The following CDC40 variants were observed in gnomAD, a reference collection of about 807,000 sequenced individuals.
CDC40 encodes cell division cycle 40.
CDC40 carries 27 observed loss-of-function variants against 80.6 expected under a neutral mutation model. The observed-to-expected ratio is 0.33, with a 90% CI of 0.25 to 0.46. The LOEUF is 0.46. CDC40 is among the 20% of genes least tolerant of loss of function. CDC40 has a pLI of 1.00. For missense variants in CDC40, 486 were observed against 694.1 expected, an observed-to-expected ratio of 0.70 and a Z score of 3.37; for synonymous variants, 221 against 232.6, an observed-to-expected ratio of 0.95 and a Z score of 0.45.
intron 9 of CDC40, among the ~76,000 whole-genome samples, chr6:110,216,253 GT>G (rs1777698506): frequency 6.6e-6 from 1 of 152,186 alleles, no homozygotes; most frequent in Non-Finnish European, 1.5e-5. Flanking sequence ...TATTGTCTTT[GT>G]CAGATTTCAT....
At chr6:110,226,290 A>C in intron 13 of CDC40, 47 bp downstream of exon 13, 2 of 1,202,088 alleles carry the variant, frequency 1.7e-6, no homozygotes, top group South Asian at 2.6e-5. Context: ...TCTAAGATAC[A>C]GTGTGATTTC....
chr6:110,220,552 G>C (rs147979399), intron 12 of CDC40, among the ~76,000 whole-genome samples: 9,442 of 144,564 alleles, frequency 0.065, 366 homozygotes, highest in African/African-American at 0.12. Context: ...TCACGCCATT[G>C]TCCTGCCTCA....
chr6:110,228,644 A>G (rs1777895832), intron 13 of CDC40, among the ~76,000 whole-genome samples, 188 bp from the exon 14 acceptor site: 1 of 152,132 alleles, frequency 6.6e-6, no homozygotes, highest in Non-Finnish European at 1.5e-5. Flanking sequence ...CCATTAGTTT[A>G]TATATTAATA....
chr6:110,228,121 A>G (rs1777889031), intron 13 of CDC40, among the ~76,000 whole-genome samples: 2 of 152,180 alleles, frequency 1.3e-5, no homozygotes, highest in Admixed American at 1.3e-4. Flanking sequence ...GTTCTGAATA[A>G]TGTAGTCAGT....
chr6:110,196,193 C>T (rs186014640), intron 2 of CDC40, among the ~76,000 whole-genome samples: 94 of 152,322 alleles, frequency 6.2e-4, no homozygotes, highest in African/African-American at 2.2e-3. Context: ...GAGTCCAGAT[C>T]ACTCTTAATT....
chr6:110,193,334 GC>G, intron 2 of CDC40, 66 bp downstream of exon 2: 1 of 902,076 alleles, frequency 1.1e-6, no homozygotes. Flanking sequence ...ATAATTAGGT[GC>G]AGCAGTGAAT....
intron 3 of CDC40, among the ~76,000 whole-genome samples, chr6:110,205,571 G>A (rs1373453409): frequency 2.0e-5 from 3 of 152,174 alleles, no homozygotes; most frequent in Non-Finnish European, 4.4e-5. Context: ...CAAGAGGAAA[G>A]CATAACTTAT....
intron 1 of CDC40, among the ~76,000 whole-genome samples, chr6:110,185,714 A>T (rs1374375279): frequency 1.3e-5 from 2 of 152,190 alleles, no homozygotes; most frequent in African/African-American, 2.4e-5. Flanking sequence ...AACCACAAAA[A>T]GATAGCTATA....
intron 12 of CDC40, among the ~76,000 whole-genome samples, chr6:110,224,681 G>A (rs73537963): frequency 0.023 from 3,486 of 152,112 alleles, 150 homozygotes; most frequent in African/African-American, 0.078. Context: ...GACCCACTAC[G>A]CCCAGCCATG....
intron 1 of CDC40, among the ~76,000 whole-genome samples, chr6:110,182,254 C>G (rs1777208248): frequency 6.6e-6 from 1 of 152,166 alleles, no homozygotes; most frequent in African/African-American, 2.4e-5. Context: ...TTTAACAGTG[C>G]CACACACAAT....
intron 1 of CDC40, among the ~76,000 whole-genome samples, chr6:110,181,664 C>T (rs887102740): frequency 6.6e-6 from 1 of 152,200 alleles, no homozygotes; most frequent in Admixed American, 6.5e-5. Context: ...CTCCAGTAAC[C>T]TCCTGAGTCT....
rs1157966602 is a variant in CDC40, at chr6:110,204,798, T to TA, written c.407-2707dup. Among the ~76,000 whole-genome samples, 8 of 152,074 alleles carry TA rather than the reference T, an allele frequency of 5.3e-5. No individual in the cohort carries two copies. The East Asian group carries it at 1.5e-3, about 29-fold the overall frequency. On this transcript the variant is annotated intron_variant, in intron 3 of 14. Coordinates refer to ENST00000307731, the MANE Select transcript of CDC40 (RefSeq NM_015891.3). ...CCTCAGCCTCCTGAGTAGCTGGAAT[T>TA]ACAGGCATGAACGACCACACATAGC...
intron 10 of CDC40, 60 bp from the exon 11 acceptor site, chr6:110,219,304 A>T: frequency 1.3e-6 from 1 of 761,450 alleles, no homozygotes; most frequent in Non-Finnish European, 2.2e-6. Context: ...TCTTAATCTC[A>T]CAGTCATCTT....
chr6:110,202,742 A>G (rs1010066527), intron 3 of CDC40, among the ~76,000 whole-genome samples: 6 of 152,288 alleles, frequency 3.9e-5, no homozygotes, highest in Admixed American at 2.0e-4. Context: ...CCCACTAGGA[A>G]GTGGTGAGGT....
intron 3 of CDC40, among the ~76,000 whole-genome samples, chr6:110,202,121 T>C (rs965684317): frequency 3.9e-5 from 6 of 152,194 alleles, no homozygotes; most frequent in Non-Finnish European, 8.8e-5. Flanking sequence ...CACTGAAGGG[T>C]ATCAGGAAAG....
chr6:110,181,354 T>A (rs1402611811), intron 1 of CDC40, among the ~76,000 whole-genome samples: 1 of 152,168 alleles, frequency 6.6e-6, no homozygotes, highest in Non-Finnish European at 1.5e-5. Flanking sequence ...CCTAGTGGGT[T>A]TGAAGAACTG....
intron 3 of CDC40, among the ~76,000 whole-genome samples, chr6:110,203,084 T>G (rs1381340606): frequency 1.3e-5 from 2 of 152,178 alleles, no homozygotes; most frequent in African/African-American, 4.8e-5. Context: ...CAAGTGAACT[T>G]AGTAAGATTT....
intron 12 of CDC40, among the ~76,000 whole-genome samples, chr6:110,223,806 T>TTTC (rs1562207897): frequency 1.4e-5 from 1 of 70,718 alleles, no homozygotes; most frequent in Non-Finnish European, 2.8e-5. Flanking sequence ...TGTAGGGTTT[T>TTTC]GTTTTGTTTT....
intron 9 of CDC40, among the ~76,000 whole-genome samples, chr6:110,216,352 A>G (rs1777699697): frequency 1.3e-5 from 2 of 152,170 alleles, no homozygotes; most frequent in Non-Finnish European, 2.9e-5. Context: ...TTAAAGTGGG[A>G]GTCTGTTCAG....
Sources: allele counts gnomAD v4.1 joint callset (sites outside exome capture counted in the v4.1 genomes callset), GRCh38; gene constraint gnomAD v4.1.1; transcripts MANE v1.5; gene names NCBI Gene and HGNC (gene_info 2026-07-23, HGNC 2026-07-21).